Variants in MOXD1 observed in about 807,000 individuals in gnomAD.
MOXD1 encodes monooxygenase DBH like 1.
Under a neutral mutation model 66.6 loss-of-function variants are expected in MOXD1, and 62 were observed. The ratio of observed to expected loss-of-function variants is 0.93; its 90% CI spans 0.76 to 1.15. The LOEUF (loss-of-function observed/expected upper bound fraction) is 1.15, where lower values mean the gene tolerates loss of function less well. MOXD1 is among the 50% of genes most tolerant of loss of function. The probability of loss-of-function intolerance (pLI) is 0.00; values close to 1 mark genes in which losing one functional copy is unlikely to be tolerated. For synonymous variants in MOXD1, 303 were observed against 281.9 expected (o/e 1.07, Z -0.75); for missense variants, 847 against 754.6 (o/e 1.12, Z -1.44).
In MOXD1 at chr6:132,296,846, A is replaced by T. The variant is rs1411071127; in HGVS notation, c.*307T>A. 4.9e-6 allele frequency: 1 copy of T among 202,594 alleles called. No individual in the cohort carries two copies. The highest frequency in any genetic ancestry group is 9.9e-6 in the Non-Finnish European group (1 of 101,258). 12.5% of individuals were successfully genotyped at this position (202,594 alleles called of 1,614,324 possible). On this transcript the variant is annotated 3_prime_UTR_variant, in exon 12 of 12. Coordinates refer to ENST00000367963, the MANE Select transcript of MOXD1 (RefSeq NM_015529.4). ...GCAACAATGAGTATTTAAATAAAAC[A>T]GAATGTAGTAGGAAAGAAAGAATTC...
At position 132,401,171 on chromosome 6, in the gene MOXD1, A is replaced by C. The variant is rs781099735; in HGVS notation, c.256T>G (p.Tyr86Asp). ...GGAGGAGACGCGCTTACCTGGAGGT[A>C]GGGCCGCCCGTGGGCCACCCCGCCC... ...VVGGVAHGRP[Y>D]LQDYFTNANR... The change falls in exon 1 of 12, where the codon TAC becomes GAC. Residue 86 changes from tyrosine to aspartate, a missense_variant. Physicochemically the swap from Tyr to Asp is radical, Grantham distance 160. Transcript: ENST00000367963. 28 of 1,524,068 alleles carry C rather than the reference A, an allele frequency of 1.8e-5. No individual in the cohort carries two copies. The Admixed American group carries it at 5.1e-4, about 28-fold the overall frequency. 94.4% of individuals were successfully genotyped at this position (1,524,068 alleles called of 1,614,324 possible).
intron 1 of MOXD1, among the ~76,000 whole-genome samples, chr6:132,378,875 C>CTTTTT (rs3038136): frequency 0.012 from 482 of 41,900 alleles, 215 homozygotes; most frequent in Non-Finnish European, 0.024. Flanking sequence ...AACACTTCCT[C>CTTTTT]TTTTTTTTTT....
intron 4 of MOXD1, among the ~76,000 whole-genome samples, chr6:132,350,616 T>G (rs1775783290): frequency 6.6e-6 from 1 of 152,212 alleles, no homozygotes; most frequent in Non-Finnish European, 1.5e-5. Context: ...CTTTTTTGGT[T>G]CCATATGAAT....
intron 4 of MOXD1, among the ~76,000 whole-genome samples, chr6:132,358,855 G>A (rs145328133): frequency 6.6e-6 from 1 of 152,092 alleles, no homozygotes; most frequent in Non-Finnish European, 1.5e-5. Flanking sequence ...TCAAAGCTTG[G>A]TAAATAAATA....
At chr6:132,356,879 G>A (rs773108388) in intron 4 of MOXD1, among the ~76,000 whole-genome samples, 1 of 152,036 alleles carries the variant, frequency 6.6e-6, no homozygotes, top group Non-Finnish European at 1.5e-5. Context: ...AAATAAATCT[G>A]TTAGCATTAG....
chr6:132,362,460 A>G (rs1776034241), intron 4 of MOXD1, among the ~76,000 whole-genome samples: 1 of 152,162 alleles, frequency 6.6e-6, no homozygotes. Flanking sequence ...AGGTTAAAGT[A>G]AGATTAGAAC....
intron 1 of MOXD1, among the ~76,000 whole-genome samples, chr6:132,400,094 C>T (rs984827478): frequency 6.6e-6 from 1 of 152,200 alleles, no homozygotes; most frequent in Non-Finnish European, 1.5e-5. Flanking sequence ...GAGTTAACAG[C>T]TCAGTGCCAG....
At chr6:132,348,702 C>T (rs918938966) in intron 4 of MOXD1, among the ~76,000 whole-genome samples, 8 of 152,132 alleles carry the variant, frequency 5.3e-5, no homozygotes, top group African/African-American at 1.9e-4. Flanking sequence ...TCACAACCTG[C>T]ATAAGTTTTC....
intron 10 of MOXD1, among the ~76,000 whole-genome samples, chr6:132,304,198 C>A (rs1306153030): frequency 6.6e-6 from 1 of 151,932 alleles, no homozygotes; most frequent in East Asian, 1.9e-4. Context: ...ACAAAAGAGA[C>A]TTGAGGGAAC....
At chr6:132,398,712 G>T (rs1776952372) in intron 1 of MOXD1, among the ~76,000 whole-genome samples, 1 of 151,896 alleles carries the variant, frequency 6.6e-6, no homozygotes, top group Admixed American at 6.5e-5. Context: ...GGCCGAGGCA[G>T]GTGGATCACC....
At chr6:132,338,730 G>T (rs1447514971) in intron 4 of MOXD1, among the ~76,000 whole-genome samples, 3 of 152,170 alleles carry the variant, frequency 2.0e-5, no homozygotes, top group Non-Finnish European at 4.4e-5. Flanking sequence ...TATTGGGTTT[G>T]ATTCTTGCTT....
intron 4 of MOXD1, among the ~76,000 whole-genome samples, chr6:132,344,065 A>G (rs545294499): frequency 1.1e-3 from 164 of 152,356 alleles, no homozygotes; most frequent in African/African-American, 3.5e-3. Context: ...ATGTATAGAC[A>G]ATTTCAGAAA....
chr6:132,375,472 T>C (rs1207959388), intron 1 of MOXD1, among the ~76,000 whole-genome samples: 5 of 152,180 alleles, frequency 3.3e-5, no homozygotes, highest in Non-Finnish European at 5.9e-5. Context: ...TCGCCCAGGC[T>C]GGAGTGCAAT....
chr6:132,389,824 T>C (rs1776721995), intron 1 of MOXD1, among the ~76,000 whole-genome samples: 1 of 151,444 alleles, frequency 6.6e-6, no homozygotes, highest in African/African-American at 2.4e-5. Flanking sequence ...TGTCATGAGT[T>C]TCCTTTTATA....
At chr6:132,361,127 T>C (rs1460268389) in intron 4 of MOXD1, among the ~76,000 whole-genome samples, 1 of 152,190 alleles carries the variant, frequency 6.6e-6, no homozygotes, top group African/African-American at 2.4e-5. Context: ...TGGTTTTCAG[T>C]GTATGGTTCC....
At chr6:132,365,321 A>G (rs972424175) in intron 4 of MOXD1, among the ~76,000 whole-genome samples, 2 of 152,092 alleles carry the variant, frequency 1.3e-5, no homozygotes, top group African/African-American at 4.8e-5. Context: ...TCGAGGTGCT[A>G]AAGAAAGGGG....
At chr6:132,330,790 C>T (rs1036930501) in intron 4 of MOXD1, among the ~76,000 whole-genome samples, 14 of 152,124 alleles carry the variant, frequency 9.2e-5, no homozygotes, top group African/African-American at 3.4e-4. Flanking sequence ...ATTTTCTCCA[C>T]AGTTTTTCTC....
At chr6:132,338,570 C>A (rs922312536) in intron 4 of MOXD1, among the ~76,000 whole-genome samples, 2 of 152,156 alleles carry the variant, frequency 1.3e-5, no homozygotes, top group Non-Finnish European at 2.9e-5. Context: ...TCTTCCCTTG[C>A]CTTACTCTCC....
chr6:132,335,288 T>G (rs553358476), intron 4 of MOXD1, among the ~76,000 whole-genome samples: 151 of 152,256 alleles, frequency 9.9e-4, no homozygotes, highest in African/African-American at 3.4e-3. Flanking sequence ...TATTTTTTTT[T>G]TTTGCTTTAT....
Sources: gnomAD v4.1 joint callset for allele counts (sites outside exome capture counted in the v4.1 genomes callset) on GRCh38, gnomAD v4.1.1 for gene constraint, MANE v1.5 for transcripts, NCBI Gene and HGNC (gene_info 2026-07-23, HGNC 2026-07-21) for gene names.